The following RBMS3 variants were observed in gnomAD, a reference collection of about 807,000 sequenced individuals.
RBMS3 encodes the protein RNA-binding motif, single-stranded-interacting protein 3.
A neutral mutation model predicts 66.8 loss-of-function variants in RBMS3; 27 were observed. The observed-to-expected ratio is 0.40, with a 90% CI of 0.30 to 0.56. The LOEUF (loss-of-function observed/expected upper bound fraction) is 0.56. Ranked by LOEUF, RBMS3 falls within the 20% of genes least tolerant of loss-of-function variation. The pLI is 0.40. For missense variants in RBMS3, 513 were observed against 549.5 expected, an observed-to-expected ratio of 0.93 and a Z score of 0.66; for synonymous variants, 188 against 183.0, an observed-to-expected ratio of 1.03 and a Z score of -0.22.
chr3:29,998,002 T>C (rs1382976259), intron 14 of RBMS3, among the ~76,000 whole-genome samples: 1 of 152,196 alleles, frequency 6.6e-6, no homozygotes, highest in Non-Finnish European at 1.5e-5. Context: ...GATGACATGA[T>C]TGTATATCTA....
intron 7 of RBMS3, 37 bp downstream of exon 7, chr3:29,869,001 G>A: frequency 6.6e-7 from 1 of 1,516,918 alleles, no homozygotes; most frequent in Non-Finnish European, 8.9e-7. Flanking sequence ...CTGAAATTTG[G>A]CAGTAGATAT....
intron 3 of RBMS3, among the ~76,000 whole-genome samples, chr3:29,534,307 G>T (rs536150517): frequency 2.0e-5 from 3 of 152,160 alleles, no homozygotes; most frequent in African/African-American, 7.2e-5. Flanking sequence ...GAGTTTCTGC[G>T]GAAGGAAAGA....
At chr3:29,587,278 G>A in intron 4 of RBMS3, 73 bp downstream of exon 4, 1 of 714,810 alleles carries the variant, frequency 1.4e-6, no homozygotes. Flanking sequence ...GTGTGTGTGT[G>A]AAAGAGAGAG....
rs531025999 is a variant in RBMS3 at position 29,995,142 on chromosome 3, C to G, written c.1307+3933C>G. 1.8e-4 allele frequency among the ~76,000 whole-genome samples: 28 copies of G among 152,170 alleles called. No individual in the cohort carries two copies. In the South Asian group the frequency reaches 5.4e-3, roughly 29 times the overall value. ...GTGAAGAATGCAGAAGCCTCAGGAG[C>G]CGATGCGATCAACTGGAAGAAAGGG... On this transcript the variant is annotated intron_variant, in intron 14 of 14. Transcript: ENST00000383767.
At chr3:29,699,855 A>G (rs1006095322) in intron 4 of RBMS3, among the ~76,000 whole-genome samples, 2 of 152,184 alleles carry the variant, frequency 1.3e-5, no homozygotes, top group Non-Finnish European at 2.9e-5. Flanking sequence ...CCTTCAGATT[A>G]TGATTCAGTA....
At chr3:29,921,124 G>A (rs753673145) in intron 10 of RBMS3, among the ~76,000 whole-genome samples, 4 of 152,018 alleles carry the variant, frequency 2.6e-5, no homozygotes, top group Non-Finnish European at 5.9e-5. Flanking sequence ...GTGCAGTGGC[G>A]TGATCTCAGC....
In RBMS3 at chr3:29,594,233, G is replaced by A. The variant is rs562784048; in HGVS notation, c.399+7028G>A. ...CCCCCCTTTTTTGTGGGAGTTGTCT[G>A]GTTTCAAGTCATCCTAATATTGCAC... On this transcript the variant is annotated intron_variant, in intron 4 of 14. Coordinates refer to ENST00000383767, the MANE Select transcript of RBMS3 (RefSeq NM_001003793.3). Among the ~76,000 whole-genome samples, 36 of 152,052 alleles carry A rather than the reference G, an allele frequency of 2.4e-4. No individual in the cohort carries two copies. The East Asian group carries it at 6.4e-3, about 27-fold the overall frequency.
At chr3:29,515,767 AC>A (rs548252764) in intron 3 of RBMS3, among the ~76,000 whole-genome samples, 107 of 152,294 alleles carry the variant, frequency 7.0e-4, no homozygotes, top group African/African-American at 2.4e-3. Context: ...CTTTAGCATT[AC>A]ATTTGCAGTA....
chr3:29,387,624 C>A (rs558097170), intron 1 of RBMS3, among the ~76,000 whole-genome samples: 1 of 152,070 alleles, frequency 6.6e-6, no homozygotes, highest in Non-Finnish European at 1.5e-5. Flanking sequence ...TATAGATGGC[C>A]GGGCGCGGTG....
chr3:29,714,775 CACAT>C (rs746506379), intron 4 of RBMS3, among the ~76,000 whole-genome samples: 16 of 150,742 alleles, frequency 1.1e-4, no homozygotes, highest in African/African-American at 3.9e-4. Flanking sequence ...CACACACACA[CACAT>C]ACTCTCAAAC....
chr3:29,507,895 C>T (rs1022927917), intron 3 of RBMS3, among the ~76,000 whole-genome samples: 1 of 152,012 alleles, frequency 6.6e-6, no homozygotes, highest in African/African-American at 2.4e-5. Context: ...TTAAAAAATT[C>T]TCCTATCTAT....
At chr3:29,892,826 T>C (rs1284021797) in intron 8 of RBMS3, among the ~76,000 whole-genome samples, 1 of 136,282 alleles carries the variant, frequency 7.3e-6, no homozygotes, top group Admixed American at 7.6e-5. Flanking sequence ...TATGTATGTA[T>C]GTATGTATGT....
At chr3:29,517,621 C>G (rs1015959116) in intron 3 of RBMS3, among the ~76,000 whole-genome samples, 1 of 152,154 alleles carries the variant, frequency 6.6e-6, no homozygotes, top group African/African-American at 2.4e-5. Flanking sequence ...CCGCGCCCGG[C>G]CCTACATGAT....
At chr3:29,704,546 A>G (rs2052785329) in intron 4 of RBMS3, among the ~76,000 whole-genome samples, 1 of 152,358 alleles carries the variant, frequency 6.6e-6, no homozygotes, top group East Asian at 1.9e-4. Flanking sequence ...CAGTTGCCTC[A>G]TCTGTAAAAC....
intron 14 of RBMS3, among the ~76,000 whole-genome samples, chr3:29,993,572 C>G (rs1699019940): frequency 6.6e-6 from 1 of 152,208 alleles, no homozygotes; most frequent in African/African-American, 2.4e-5. Flanking sequence ...AGGCTTCCAT[C>G]CAATCAGTTA....
At chr3:29,640,474 A>C (rs2049659977) in intron 4 of RBMS3, among the ~76,000 whole-genome samples, 3 of 144,712 alleles carry the variant, frequency 2.1e-5, no homozygotes, top group Non-Finnish European at 4.5e-5. Flanking sequence ...GATAATTTAA[A>C]ATTCTATAGG....
intron 6 of RBMS3, among the ~76,000 whole-genome samples, chr3:29,798,929 GTTT>G (rs368923260): frequency 7.8e-6 from 1 of 127,696 alleles, no homozygotes; most frequent in Non-Finnish European, 1.6e-5. Flanking sequence ...GTACCCTCTG[GTTT>G]TTTTTTTTTT....
At chr3:29,696,178 T>A (rs1385084071) in intron 4 of RBMS3, among the ~76,000 whole-genome samples, 1 of 152,210 alleles carries the variant, frequency 6.6e-6, no homozygotes, top group Non-Finnish European at 1.5e-5. Flanking sequence ...CAATCCTGGC[T>A]TCCAAGCCCA....
chr3:29,825,588 C>A (rs1352687826), intron 6 of RBMS3, among the ~76,000 whole-genome samples: 1 of 152,092 alleles, frequency 6.6e-6, no homozygotes, highest in Non-Finnish European at 1.5e-5. Context: ...TTGCCTGCCG[C>A]CATGTAAGAC....
Sources: allele counts gnomAD v4.1 joint callset (sites outside exome capture counted in the v4.1 genomes callset), GRCh38; gene constraint gnomAD v4.1.1; transcripts MANE v1.5; gene names NCBI Gene and HGNC (gene_info 2026-07-23, HGNC 2026-07-21).